Variants in CHRNA7 observed in about 807,000 individuals in gnomAD.
CHRNA7 encodes the protein cholinergic receptor nicotinic alpha 7 subunit.
In CHRNA7, 17 loss-of-function variants were observed where a neutral mutation model predicts 48.0. The observed-to-expected ratio is 0.35, with a 90% CI of 0.24 to 0.53. The LOEUF (loss-of-function observed/expected upper bound fraction) is 0.53. Among genes scored for constraint, CHRNA7 ranks in the 20% least tolerant of loss-of-function variants. The pLI is 0.92. For synonymous variants in CHRNA7, 75 were observed against 242.3 expected (o/e 0.31, Z 6.41); for missense variants, 155 against 577.7 (o/e 0.27, Z 7.50).
chr15:32,107,645 G>A (rs373497960), intron 3 of CHRNA7, among the ~76,000 whole-genome samples: 19 of 152,262 alleles, frequency 1.2e-4, no homozygotes, highest in Admixed American at 5.2e-4. Context: ...GTGGAAGGAC[G>A]CAGCGGACAG....
At chr15:32,048,205 C>T (rs7182664) in intron 2 of CHRNA7, among the ~76,000 whole-genome samples, 155 of 152,242 alleles carry the variant, frequency 1.0e-3, no homozygotes, top group African/African-American at 3.5e-3. Flanking sequence ...TAGGGAGATT[C>T]CCTCTTTTTC....
In CHRNA7 at chr15:32,111,679, TA is replaced by T. The variant is rs1227832593; in HGVS notation, c.241-110del. 9.4e-6 allele frequency: 6 copies of T among 638,800 alleles called. No homozygotes were observed. In the Admixed American group the frequency reaches 1.1e-4, roughly 11 times the overall value. The allele number at this position is 638,800 out of a possible 1,614,324, so 39.6% of individuals were successfully genotyped here. On this transcript the variant is annotated intron_variant, in intron 3 of 9. Coordinates refer to ENST00000306901, the MANE Select transcript of CHRNA7 (RefSeq NM_000746.6). ...TATATTTTATAAATAGCAATTCAGT[TA>T]TAATAAATGTCTGGAATTCTCTTTG...
At chr15:32,097,455 T>TTCCACCATGC (rs2050491065) in intron 2 of CHRNA7, among the ~76,000 whole-genome samples, 1 of 152,054 alleles carries the variant, frequency 6.6e-6, no homozygotes, top group African/African-American at 2.4e-5. Flanking sequence ...CCCGCGCCCC[T>TTCCACCATGC]TCCACCATGC....
chr15:32,071,435 T>C (rs1341046945), intron 2 of CHRNA7, among the ~76,000 whole-genome samples: 1 of 152,214 alleles, frequency 6.6e-6, no homozygotes. Context: ...TTCCTGTCAT[T>C]GGTGTTTGTA....
At chr15:32,121,438 T>C (rs751171734) in intron 4 of CHRNA7, among the ~76,000 whole-genome samples, 1 of 152,228 alleles carries the variant, frequency 6.6e-6, no homozygotes, top group East Asian at 1.9e-4. Flanking sequence ...GTTCCTGAAA[T>C]TAAATGGCTT....
chr15:32,113,865 G>GACA (rs34613281), intron 4 of CHRNA7, among the ~76,000 whole-genome samples: 119,376 of 149,492 alleles, frequency 0.8, 48,449 homozygotes, highest in Non-Finnish European at 0.89. Context: ...CAACAATAAC[G>GACA]ACAACAACAA....
chr15:32,047,932 G>A (rs2049585706), intron 2 of CHRNA7, among the ~76,000 whole-genome samples: 1 of 152,150 alleles, frequency 6.6e-6, no homozygotes, highest in Non-Finnish European at 1.5e-5. Context: ...AGATAATCAT[G>A]TGGTTTTTGT....
chr15:32,133,681 A>G (rs766188779), intron 4 of CHRNA7, among the ~76,000 whole-genome samples: 1 of 152,212 alleles, frequency 6.6e-6, no homozygotes, highest in Non-Finnish European at 1.5e-5. Context: ...AGAGTCTTCC[A>G]TGGGAATTCA....
Position 32,054,332 on chromosome 15 carries a change from T to G in CHRNA7, c.195+23295T>G, listed in dbSNP as rs1250106723. 2.0e-5 allele frequency among the ~76,000 whole-genome samples: 3 copies of G among 152,170 alleles called. No individual in the cohort carries two copies. In the East Asian group the frequency reaches 5.8e-4, roughly 29 times the overall value. On this transcript the variant is annotated intron_variant, in intron 2 of 9. Transcript: ENST00000306901. ...TGAAATCACTAGTCAGGAAACAGTT[T>G]GTTTAAGTTCTCCATTAAGAAGTTT...
At chr15:32,078,994 A>C (rs910523096) in intron 2 of CHRNA7, among the ~76,000 whole-genome samples, 1 of 152,228 alleles carries the variant, frequency 6.6e-6, no homozygotes, top group Non-Finnish European at 1.5e-5. Context: ...AGGTTGGTTC[A>C]ACATAGGAAA....
intron 4 of CHRNA7, among the ~76,000 whole-genome samples, chr15:32,133,676 C>T (rs2051195263): frequency 6.6e-6 from 1 of 152,208 alleles, no homozygotes; most frequent in Non-Finnish European, 1.5e-5. Context: ...GGCTCAGAGT[C>T]TTCCATGGGA....
intron 2 of CHRNA7, among the ~76,000 whole-genome samples, chr15:32,057,524 A>G (rs1020234658): frequency 6.6e-6 from 1 of 152,230 alleles, no homozygotes; most frequent in African/African-American, 2.4e-5. Context: ...CATAGCTAAT[A>G]TATTCACTGA....
At chr15:32,040,075 C>A (rs1347321982) in intron 2 of CHRNA7, among the ~76,000 whole-genome samples, 1 of 152,052 alleles carries the variant, frequency 6.6e-6, no homozygotes, top group Admixed American at 6.6e-5. Flanking sequence ...TTCCTGCTTT[C>A]TTGGATTAGT....
At chr15:32,127,444 T>C (rs1324560453) in intron 4 of CHRNA7, among the ~76,000 whole-genome samples, 1 of 152,142 alleles carries the variant, frequency 6.6e-6, no homozygotes, top group East Asian at 1.9e-4. Context: ...TAATTCCGCA[T>C]CCTCCCCAGA....
At chr15:32,071,410 T>G (rs1006349953) in intron 2 of CHRNA7, among the ~76,000 whole-genome samples, 3 of 152,220 alleles carry the variant, frequency 2.0e-5, no homozygotes, top group Non-Finnish European at 2.9e-5. Context: ...ATATGTCTGT[T>G]TATTTCTTCT....
chr15:32,110,893 G>A (rs939501538), intron 3 of CHRNA7, among the ~76,000 whole-genome samples: 1 of 152,184 alleles, frequency 6.6e-6, no homozygotes, highest in Non-Finnish European at 1.5e-5. Flanking sequence ...ATCTTGGAAA[G>A]CCTGAGCTTC....
chr15:32,092,987 G>A (rs2050407617), intron 2 of CHRNA7, among the ~76,000 whole-genome samples: 1 of 152,202 alleles, frequency 6.6e-6, no homozygotes, highest in Non-Finnish European at 1.5e-5. Context: ...GTGGGAGTCT[G>A]GCTGTGTGTA....
chr15:32,114,079 C>CATATATATAT (rs1491226007), intron 4 of CHRNA7, among the ~76,000 whole-genome samples: 1 of 112,572 alleles, frequency 8.9e-6, no homozygotes, highest in African/African-American at 3.2e-5. Flanking sequence ...TATATATACA[C>CATATATATAT]ATACATACAT....
At chr15:32,067,668 T>C (rs976153813) in intron 2 of CHRNA7, among the ~76,000 whole-genome samples, 10 of 152,236 alleles carry the variant, frequency 6.6e-5, no homozygotes, top group Admixed American at 5.9e-4. Context: ...TGATTTGAGA[T>C]GCAACTGCAT....
Sources: allele counts gnomAD v4.1 joint callset (sites outside exome capture counted in the v4.1 genomes callset), GRCh38; gene constraint gnomAD v4.1.1; transcripts MANE v1.5; gene names NCBI Gene and HGNC (gene_info 2026-07-23, HGNC 2026-07-21).